Variants in SLCO3A1 observed in about 807,000 individuals in gnomAD.
SLCO3A1 encodes PGE1 transporter.
SLCO3A1 carries 27 observed loss-of-function variants against 63.1 expected under a neutral mutation model. The observed-to-expected ratio is 0.43, with a 90% CI of 0.32 to 0.59. The LOEUF (loss-of-function observed/expected upper bound fraction) is 0.59. Ranked by LOEUF, SLCO3A1 falls within the 20% of genes least tolerant of loss-of-function variation. SLCO3A1 has a pLI of 0.09. For missense variants in SLCO3A1, 773 were observed against 945.8 expected (o/e 0.82, Z 2.40); for synonymous variants, 473 against 409.9 (o/e 1.15, Z -1.86).
intron 2 of SLCO3A1, among the ~76,000 whole-genome samples, chr15:92,072,277 A>G (rs1012150454): frequency 6.7e-6 from 1 of 149,850 alleles, no homozygotes; most frequent in African/African-American, 2.5e-5. Context: ...GCCTCAAGCC[A>G]TTATTTACTC....
chr15:92,160,650 G>T (rs1231879985), intron 9 of SLCO3A1, among the ~76,000 whole-genome samples: 1 of 152,142 alleles, frequency 6.6e-6, no homozygotes, highest in African/African-American at 2.4e-5. Context: ...GCTTCTCTTT[G>T]GGGTATCAAG....
rs1246079287 is a variant in SLCO3A1 at position 92,163,197 on chromosome 15, G to GA, written c.*69dup. 1.6e-5 allele frequency: 23 copies of GA among 1,428,900 alleles called. No homozygotes were observed. The highest frequency in any genetic ancestry group is 1.9e-5 in the Non-Finnish European group (21 of 1,097,008). 88.5% of individuals were successfully genotyped at this position (1,428,900 alleles called of 1,614,324 possible). A position where few individuals can be genotyped will look rare whatever the true frequency, so the allele number is the denominator to read the frequency against. On this transcript the variant is annotated 3_prime_UTR_variant, in exon 10 of 10. Transcript: ENST00000318445. ...AAGGGTCATTTTTTTCTTAAAAAAA[G>GA]AAAAAAAGGTTCCAAAAAAAACCAA...
chr15:91,910,480 A>C (rs1428927592), intron 1 of SLCO3A1, among the ~76,000 whole-genome samples: 1 of 152,250 alleles, frequency 6.6e-6, no homozygotes, highest in Non-Finnish European at 1.5e-5. Context: ...GTGAAGTCAC[A>C]GAGCATGCAC....
chr15:92,073,457 G>A (rs1023153137), intron 2 of SLCO3A1, among the ~76,000 whole-genome samples: 1 of 152,194 alleles, frequency 6.6e-6, no homozygotes, highest in African/African-American at 2.4e-5. Flanking sequence ...CTCTAGAATT[G>A]TAGGGTTCAG....
In SLCO3A1 at chr15:92,120,599, C is replaced by T; in HGVS notation, c.1144C>T (p.Leu382Phe). The change falls in exon 5 of 10, where the codon CTC (leucine) becomes TTC (phenylalanine). Residue 382 changes from leucine to phenylalanine, a missense_variant. Physicochemically the swap from Leu to Phe is conservative, Grantham distance 22. Transcript: ENST00000318445. ...GAAGTACCTGGAGCAGCAGTTTAAC[C>T]TCACCACCTCTTCTGCCAACCAGCT... ...LGKYLEQQFN[L>F]TTSSANQLLG... The T allele has an allele frequency of 1.9e-6, 3 of 1,613,884 alleles. No individual in the cohort carries two copies. The highest frequency in any genetic ancestry group is 2.5e-6 in the Non-Finnish European group (3 of 1,179,970).
At chr15:91,924,379 C>T (rs1484378975) in intron 2 of SLCO3A1, among the ~76,000 whole-genome samples, 2 of 152,238 alleles carry the variant, frequency 1.3e-5, no homozygotes, top group East Asian at 1.9e-4. Flanking sequence ...AAGCCCTTTG[C>T]GAGTCAGCAT....
intron 2 of SLCO3A1, among the ~76,000 whole-genome samples, chr15:91,922,196 G>GCACACACACACACACACACACA (rs71156620): frequency 4.0e-5 from 6 of 151,322 alleles, no homozygotes; most frequent in East Asian, 2.0e-4. Context: ...GCGCGTGCAC[G>GCACACACACACACACACACACA]CACACACACA....
chr15:92,089,085 G>T (rs948076444), intron 2 of SLCO3A1, among the ~76,000 whole-genome samples: 4 of 151,878 alleles, frequency 2.6e-5, no homozygotes, highest in African/African-American at 9.7e-5. Context: ...GAGTGCAGTG[G>T]CGTGATCTCG....
intron 9 of SLCO3A1, chr15:92,155,256 G>C (rs1230444034): frequency 1.3e-5 from 2 of 152,256 alleles, no homozygotes; most frequent in Admixed American, 6.5e-5. Context: ...AGTTGGTCTA[G>C]AATCTTGTTC....
intron 2 of SLCO3A1, among the ~76,000 whole-genome samples, chr15:91,993,974 CA>C (rs1416490235): frequency 6.6e-6 from 1 of 152,212 alleles, no homozygotes; most frequent in Non-Finnish European, 1.5e-5. Context: ...CCCTTGGAAG[CA>C]GGTCTTCCAG....
In SLCO3A1 at chr15:91,930,906, G is replaced by C. The variant is rs7164178; in HGVS notation, c.646+14448G>C. ...GGGGATTGGAGTCAAGGGGGTTCTT[G>C]CTCCTCACAATATTCTCAACTACTG... On this transcript the variant is annotated intron_variant, in intron 2 of 9. Transcript: ENST00000318445. Among the ~76,000 whole-genome samples the C allele has an allele frequency of 5.5e-3, 842 of 152,292 alleles. 3 individuals are homozygous for C. Among genetic ancestry groups the C allele is most frequent in the African/African-American group, 0.019 (810 of 41,542 alleles).
intron 2 of SLCO3A1, among the ~76,000 whole-genome samples, chr15:91,993,078 C>G (rs1325023960): frequency 6.6e-6 from 1 of 152,160 alleles, no homozygotes; most frequent in Non-Finnish European, 1.5e-5. Context: ...CAGTAAGCAG[C>G]CTCCACTTGG....
At chr15:92,153,167 A>T (rs2048328920) in intron 9 of SLCO3A1, among the ~76,000 whole-genome samples, 1 of 152,182 alleles carries the variant, frequency 6.6e-6, no homozygotes, top group Admixed American at 6.5e-5. Context: ...CTGCAACTGT[A>T]ATCTAGAGCA....
chr15:92,171,654 A>T, intron 10 of SLCO3A1: 1 of 687,366 alleles, frequency 1.5e-6, no homozygotes, highest in Non-Finnish European at 2.6e-6. Flanking sequence ...TATTGCTTTG[A>T]CTGCCTACTC....
chr15:92,084,642 C>T (rs1319943530), intron 2 of SLCO3A1, among the ~76,000 whole-genome samples: 1 of 152,144 alleles, frequency 6.6e-6, no homozygotes, highest in Non-Finnish European at 1.5e-5. Context: ...TCTGGATGGC[C>T]TGTTTGGCTT....
Position 91,897,990 on chromosome 15 carries a change from G to A in SLCO3A1, c.181-18003G>A, listed in dbSNP as rs546473565. Among the ~76,000 whole-genome samples, 3 of 152,324 alleles carry A rather than the reference G, an allele frequency of 2.0e-5. No individual in the cohort carries two copies. ...GAGATGCAGAAAGCAGGTGCTCATGGTTTGTTTCTGTTGTTCTTGGCTTGC... is the reference window on the plus strand; with the variant it reads ...GAGATGCAGAAAGCAGGTGCTCATGATTTGTTTCTGTTGTTCTTGGCTTGC... On this transcript the variant is annotated intron_variant, in intron 1 of 9. Transcript: ENST00000318445. The surrounding 1 kb of genome is among the most constrained non-coding windows in gnomAD (Gnocchi z 4.7).
chr15:92,105,103 C>T (rs1263425793), intron 4 of SLCO3A1, among the ~76,000 whole-genome samples: 1 of 151,862 alleles, frequency 6.6e-6, no homozygotes, highest in Admixed American at 6.6e-5. Context: ...CCCATATCTG[C>T]TAAAATACAA....
At position 91,961,623 on chromosome 15, in the gene SLCO3A1, C is replaced by T. The variant is rs551037784; in HGVS notation, c.646+45165C>T. ...TCCTACCTCAGGGCCTTTGCACTTGCTCTCTGGCTTCATTCAGGCCCCTGC... is the reference window on the plus strand; with the variant it reads ...TCCTACCTCAGGGCCTTTGCACTTGTTCTCTGGCTTCATTCAGGCCCCTGC... On this transcript the variant is annotated intron_variant, in intron 2 of 9. Transcript: ENST00000318445. 5.3e-4 allele frequency among the ~76,000 whole-genome samples: 80 copies of T among 152,346 alleles called. 3 individuals are homozygous for T. The highest frequency in any genetic ancestry group is 1.7e-3 in the South Asian group (8 of 4,832).
intron 1 of SLCO3A1, among the ~76,000 whole-genome samples, chr15:91,904,258 A>G (rs1029492546): frequency 6.6e-6 from 1 of 152,206 alleles, no homozygotes; most frequent in Admixed American, 6.5e-5. Flanking sequence ...ACTTATCAGT[A>G]TAGCATTTTT....
Sources: allele counts gnomAD v4.1 joint callset (sites outside exome capture counted in the v4.1 genomes callset), GRCh38; gene constraint gnomAD v4.1.1; non-coding constraint Gnocchi (gnomAD v3.1); transcripts MANE v1.5; gene names NCBI Gene and HGNC (gene_info 2026-07-23, HGNC 2026-07-21).